Variants in SHANK2 observed in about 807,000 individuals in gnomAD.
The protein encoded by SHANK2 is SH3 and multiple ankyrin repeat domains protein 2.
In SHANK2, 43 loss-of-function variants were observed where a neutral mutation model predicts 133.7. The ratio of observed to expected loss-of-function variants is 0.32; its 90% confidence interval spans 0.25 to 0.41. The LOEUF (loss-of-function observed/expected upper bound fraction) is 0.41, where lower values mean the gene tolerates loss of function less well. SHANK2 is among the 10% of genes least tolerant of loss of function. The probability of loss-of-function intolerance (pLI) is 1.00; values close to 1 mark genes in which losing one functional copy is unlikely to be tolerated. For synonymous variants in SHANK2, 1,017 were observed against 952.8 expected, an observed-to-expected ratio of 1.07 and a Z score of -1.24; for missense variants, 1,994 against 2,235.8, an observed-to-expected ratio of 0.89 and a Z score of 2.18.
At chr11:70,583,824 C>T (rs948204411) in intron 17 of SHANK2, among the ~76,000 whole-genome samples, 1 of 152,202 alleles carries the variant, frequency 6.6e-6, no homozygotes, top group Non-Finnish European at 1.5e-5. Context: ...CACGGTATAA[C>T]GTCTGCGGGC....
At chr11:70,818,126 T>A (rs1438729516) in intron 12 of SHANK2, among the ~76,000 whole-genome samples, 1 of 152,178 alleles carries the variant, frequency 6.6e-6, no homozygotes, top group East Asian at 1.9e-4. Flanking sequence ...GAAGCGTGTA[T>A]GCAGGAGGCC....
chr11:70,581,511 C>T (rs542798805), intron 17 of SHANK2, among the ~76,000 whole-genome samples: 2 of 152,150 alleles, frequency 1.3e-5, no homozygotes, highest in Admixed American at 1.3e-4. Flanking sequence ...GCCAATATGG[C>T]GAAACCCCAT....
At chr11:70,874,447 A>G (rs1416634287) in intron 11 of SHANK2, among the ~76,000 whole-genome samples, 1 of 152,052 alleles carries the variant, frequency 6.6e-6, no homozygotes, top group Non-Finnish European at 1.5e-5. Flanking sequence ...AACTCAAGCA[A>G]CCCTCCTGCC....
In SHANK2 at chr11:70,504,921, CTCATTCAT is replaced by C. The variant is rs563840936; in HGVS notation, c.2062-1998_2062-1991del. On this transcript the variant is annotated intron_variant, in intron 17 of 25. Coordinates refer to ENST00000601538, the MANE Select transcript of SHANK2 (RefSeq NM_012309.5). Reference sequence around the variant, plus strand: ...GAGCACACCCGGGTAGTGGCTGTTGCTCATTCATTCATTCATTCACTCATTCCAGTGTT... The same window carrying C: ...GAGCACACCCGGGTAGTGGCTGTTGCTCATTCATTCACTCATTCCAGTGTT... Among the ~76,000 whole-genome samples, 47 of 152,202 alleles carry C rather than the reference CTCATTCAT, an allele frequency of 3.1e-4. No homozygotes were observed. In the East Asian group the frequency reaches 4.6e-3, roughly 15 times the overall value.
chr11:70,718,888 C>A (rs1482569185), intron 14 of SHANK2, among the ~76,000 whole-genome samples: 1 of 152,120 alleles, frequency 6.6e-6, no homozygotes, highest in Non-Finnish European at 1.5e-5. Context: ...GGACTGAATC[C>A]CACTTTGCCG....
Position 70,490,256 on chromosome 11 carries a change from G to A in SHANK2, c.2551+20C>T. On this transcript the variant is annotated intron_variant, in intron 23 of 25. Coordinates refer to ENST00000601538, the MANE Select transcript of SHANK2 (RefSeq NM_012309.5). Reference sequence around the variant, plus strand: ...GAAAGCCCAGGGGCAACTTCTGTGGGGGAGTGCCACACTTCTTACCTATTG... The same window carrying A: ...GAAAGCCCAGGGGCAACTTCTGTGGAGGAGTGCCACACTTCTTACCTATTG... 1 of 1,594,880 alleles carries A rather than the reference G, an allele frequency of 6.3e-7. No individual in the cohort carries two copies. The highest frequency in any genetic ancestry group is 8.6e-7 in the Non-Finnish European group (1 of 1,162,342).
chr11:71,139,946 T>C (rs1212808169), intron 3 of SHANK2, among the ~76,000 whole-genome samples: 4 of 152,002 alleles, frequency 2.6e-5, no homozygotes, highest in East Asian at 1.9e-4. Flanking sequence ...AGGGGTGGCA[T>C]TGGGGGAGAA....
chr11:70,571,521 C>T (rs1554983080), intron 17 of SHANK2, among the ~76,000 whole-genome samples: 1 of 152,202 alleles, frequency 6.6e-6, no homozygotes, highest in African/African-American at 2.4e-5. Flanking sequence ...GCTACCCCCA[C>T]CATGTGCCCC....
intron 2 of SHANK2, among the ~76,000 whole-genome samples, chr11:71,154,983 G>A (rs4945258): frequency 0.012 from 1,602 of 129,456 alleles, 32 homozygotes; most frequent in Middle Eastern, 0.024. Flanking sequence ...CCAGAAGAGG[G>A]ATGGACCTAC....
intron 17 of SHANK2, among the ~76,000 whole-genome samples, chr11:70,560,320 A>G (rs999693549): frequency 1.3e-5 from 2 of 152,174 alleles, no homozygotes; most frequent in Non-Finnish European, 2.9e-5. Flanking sequence ...GAATAAATAG[A>G]ACAAAAGATG....
chr11:70,551,684 A>G (rs2059770684), intron 17 of SHANK2, among the ~76,000 whole-genome samples: 1 of 152,188 alleles, frequency 6.6e-6, no homozygotes, highest in South Asian at 2.1e-4. Flanking sequence ...TTGTACTAAG[A>G]CACTAAAATA....
At chr11:70,594,681 A>G (rs1554988984) in intron 17 of SHANK2, among the ~76,000 whole-genome samples, 3 of 152,196 alleles carry the variant, frequency 2.0e-5, no homozygotes, top group Non-Finnish European at 2.9e-5. Flanking sequence ...GAACTGGATA[A>G]AAGTTGTGGT....
At chr11:71,060,857 G>C (rs1950978820) in intron 9 of SHANK2, among the ~76,000 whole-genome samples, 2 of 152,174 alleles carry the variant, frequency 1.3e-5, no homozygotes, top group South Asian at 4.1e-4. Flanking sequence ...TCCGCACAGG[G>C]TTTCAGGGTG....
At chr11:70,474,569 C>T (rs1268994151) in intron 25 of SHANK2, 1 of 152,282 alleles carries the variant, frequency 6.6e-6, no homozygotes, top group Non-Finnish European at 1.5e-5. Context: ...CAGGCACTCT[C>T]CACACCAAGA....
At chr11:70,491,270 T>C (rs1451509393) in intron 22 of SHANK2, among the ~76,000 whole-genome samples, 1 of 152,234 alleles carries the variant, frequency 6.6e-6, no homozygotes, top group Non-Finnish European at 1.5e-5. Context: ...AGCCTCTGTT[T>C]GTCTCACTCT....
Position 70,881,548 on chromosome 11 carries a change from CAATAATAATAATATTAATAATAATATT to C in SHANK2, c.1174+14926_1174+14952del, listed in dbSNP as rs1219764132. Among the ~76,000 whole-genome samples, 14 of 38,330 alleles carry C rather than the reference CAATAATAATAATATTAATAATAATATT, an allele frequency of 3.7e-4. 1 individual carries two copies. Among genetic ancestry groups the C allele is most frequent in the Middle Eastern group, 0.022 (1 of 46 alleles). 25.1% of individuals were successfully genotyped at this position (38,330 alleles called of 152,430 possible). A position where few individuals can be genotyped will look rare whatever the true frequency, so the allele number is the denominator to read the frequency against. On this transcript the variant is annotated intron_variant, in intron 11 of 25. Coordinates refer to ENST00000601538, the MANE Select transcript of SHANK2 (RefSeq NM_012309.5). ...TGAACAATACAGGGAGACCCTGTCT[CAATAATAATAATATTAATAATAATATT>C]AATAATAATAATAATAATAATAATA... is the stretch of plus-strand genomic sequence containing the variant.
chr11:70,715,903 A>G (rs1945906564), intron 14 of SHANK2, among the ~76,000 whole-genome samples: 3 of 152,080 alleles, frequency 2.0e-5, no homozygotes, highest in Admixed American at 6.5e-5. Context: ...ACTCCAAAAG[A>G]CTTGTCCACG....
chr11:70,858,430 C>T (rs1949204245), intron 11 of SHANK2, among the ~76,000 whole-genome samples: 1 of 152,204 alleles, frequency 6.6e-6, no homozygotes, highest in African/African-American at 2.4e-5. Flanking sequence ...TTGCCATCCA[C>T]TCAGTGGGCT....
intron 6 of SHANK2, among the ~76,000 whole-genome samples, chr11:71,108,843 G>T (rs964045397): frequency 6.6e-6 from 1 of 152,282 alleles, no homozygotes. Flanking sequence ...TGCTCACAGC[G>T]AAGCCTAAGG....
Sources: allele counts gnomAD v4.1 joint callset (sites outside exome capture counted in the v4.1 genomes callset), GRCh38; gene constraint gnomAD v4.1.1; transcripts MANE v1.5; gene names NCBI Gene and HGNC (gene_info 2026-07-23, HGNC 2026-07-21).